Variants in CCDC28A observed in about 807,000 individuals in gnomAD.
The protein encoded by CCDC28A is coiled-coil domain-containing protein 28A.
CCDC28A carries 24 observed loss-of-function variants against 22.1 expected under a neutral mutation model. The observed-to-expected ratio is 1.09, with a 90% CI of 0.79 to 1.53. The LOEUF is 1.53. Among genes scored for constraint, CCDC28A ranks in the 40% most tolerant of loss-of-function variants. CCDC28A has a pLI of 0.00. For missense variants in CCDC28A, 170 were observed against 210.7 expected, an observed-to-expected ratio of 0.81 and a Z score of 1.20; for synonymous variants, 83 against 74.7, an observed-to-expected ratio of 1.11 and a Z score of -0.57.
intron 3 of CCDC28A, among the ~76,000 whole-genome samples, chr6:138,782,861 A>C (rs1583522388): frequency 6.6e-6 from 1 of 152,344 alleles, no homozygotes; most frequent in East Asian, 1.9e-4. Context: ...AATTTACATT[A>C]ATTCATATTT....
rs547380698 is a variant in CCDC28A, at chr6:138,778,287, A to G, written c.159-1535A>G. 1.4e-4 allele frequency among the ~76,000 whole-genome samples: 22 copies of G among 152,236 alleles called. No individual in the cohort carries two copies. The East Asian group carries it at 4.2e-3, about 29-fold the overall frequency. ...AATATACTTCCGTGTCGGGATTTGTAGTGTGCATTGGGTTATAAAGATAAA... is the reference window on the plus strand; with the variant it reads ...AATATACTTCCGTGTCGGGATTTGTGGTGTGCATTGGGTTATAAAGATAAA... On this transcript the variant is annotated intron_variant, in intron 2 of 5. Coordinates refer to ENST00000617445, the MANE Select transcript of CCDC28A (RefSeq NM_015439.3).
chr6:138,775,253 T>C (rs1397241605), intron 1 of CCDC28A, among the ~76,000 whole-genome samples: 1 of 152,170 alleles, frequency 6.6e-6, no homozygotes. Flanking sequence ...TTTAAATAGA[T>C]GGATGTTAGA....
chr6:138,778,254 G>T (rs1774965895), intron 2 of CCDC28A, among the ~76,000 whole-genome samples: 1 of 152,088 alleles, frequency 6.6e-6, no homozygotes, highest in East Asian at 1.9e-4. Context: ...TGTTAAAATT[G>T]AGTACTGAAT....
At chr6:138,783,876 CTTTTTTT>C in intron 3 of CCDC28A, among the ~76,000 whole-genome samples, 1 of 125,444 alleles carries the variant, frequency 8.0e-6, no homozygotes, top group East Asian at 2.3e-4. Context: ...AGCCAGAACT[CTTTTTTT>C]TTTTTTTTTT....
At chr6:138,784,394 A>G (rs1265214311) in intron 3 of CCDC28A, among the ~76,000 whole-genome samples, 1 of 136,722 alleles carries the variant, frequency 7.3e-6, no homozygotes, top group African/African-American at 2.8e-5. Context: ...TCTGTCACCT[A>G]GTCTTGAGTA....
At chr6:138,779,595 TAATC>T (rs1166023671) in intron 2 of CCDC28A, among the ~76,000 whole-genome samples, 6 of 152,238 alleles carry the variant, frequency 3.9e-5, no homozygotes, top group Non-Finnish European at 8.8e-5. Context: ...ATAAATGTAT[TAATC>T]AAACTTTTTA....
Position 138,785,449 on chromosome 6 carries a change from A to T in CCDC28A, c.477+68A>T, listed in dbSNP as rs1025940002. ...TGTTGCGAAAAAATGTACCTTTTGAACTATTTTAATGTATACAATCACGTG... is the reference window on the plus strand; with the variant it reads ...TGTTGCGAAAAAATGTACCTTTTGATCTATTTTAATGTATACAATCACGTG... On this transcript the variant is annotated intron_variant, in intron 4 of 5. Coordinates refer to ENST00000617445, the MANE Select transcript of CCDC28A (RefSeq NM_015439.3). The T allele has an allele frequency of 8.3e-6, 10 of 1,210,752 alleles. No homozygotes were observed. The African/African-American group carries it at 1.2e-4, about 15-fold the overall frequency. 75.0% of individuals were successfully genotyped at this position (1,210,752 alleles called of 1,614,324 possible).
rs1774934735 is a variant in CCDC28A at position 138,776,375 on chromosome 6, T to C, written c.158+97T>C. The C allele has an allele frequency of 5.1e-6, 5 of 988,854 alleles. No individual in the cohort carries two copies. The South Asian group carries it at 7.0e-5, about 14-fold the overall frequency. 61.3% of individuals were successfully genotyped at this position (988,854 alleles called of 1,614,324 possible). ...ACACTTTTTTAGTCTTGGCTTGACT[T>C]TTAAAACAGTTGAGGCACCCATTAT... On this transcript the variant is annotated intron_variant, in intron 2 of 5. Transcript: ENST00000617445.
chr6:138,784,744 A>AG (rs1775067883), intron 3 of CCDC28A, among the ~76,000 whole-genome samples: 1 of 150,064 alleles, frequency 6.7e-6, no homozygotes, highest in Non-Finnish European at 1.5e-5. Flanking sequence ...GCCAGGGTGG[A>AG]GTGCAGTGGC....
In CCDC28A at chr6:138,785,262, C is replaced by T. The variant is rs761634317; in HGVS notation, c.358C>T (p.Arg120Trp). The change falls in exon 4 of 6, where the codon CGG (arginine) becomes TGG (tryptophan). Residue 120 changes from arginine (R) to tryptophan (W), a missense_variant. Transcript: ENST00000617445. ...TTCCATTGAACAGATGGAACATGTT[C>T]GGGGAATGCAGGAGAAATTAGCTCG... ...ECSIEQMEHV[R>W]GMQEKLARLN... 30 of 1,613,022 alleles carry T rather than the reference C, an allele frequency of 1.9e-5. No individual in the cohort carries two copies. Among genetic ancestry groups the T allele is most frequent in the East Asian group, 1.1e-4 (5 of 44,872 alleles).
At chr6:138,774,412 CA>C (rs1391136320) in intron 1 of CCDC28A, among the ~76,000 whole-genome samples, 6 of 152,212 alleles carry the variant, frequency 3.9e-5, no homozygotes, top group Admixed American at 3.9e-4. Flanking sequence ...TCTATTCAGT[CA>C]TCTTTCAAAC....
chr6:138,789,790 C>T (rs1226076607), intron 5 of CCDC28A, among the ~76,000 whole-genome samples: 1 of 152,066 alleles, frequency 6.6e-6, no homozygotes, highest in Non-Finnish European at 1.5e-5. Flanking sequence ...CTGCCATTTC[C>T]ATCCTGGGCA....
chr6:138,778,949 G>T (rs749704999), intron 2 of CCDC28A, among the ~76,000 whole-genome samples: 1 of 152,094 alleles, frequency 6.6e-6, no homozygotes, highest in Non-Finnish European at 1.5e-5. Flanking sequence ...TGTATTTTTA[G>T]TAGAGACAGG....
chr6:138,785,477 T>C (rs1260094072), intron 4 of CCDC28A, 96 bp downstream of exon 4: 1 of 850,762 alleles, frequency 1.2e-6, no homozygotes, highest in Non-Finnish European at 1.9e-6. Context: ...ATCACGTGGT[T>C]GCTAGCGTAT....
chr6:138,787,419 A>G (rs1244427757), intron 4 of CCDC28A, among the ~76,000 whole-genome samples: 1 of 152,180 alleles, frequency 6.6e-6, no homozygotes, highest in Non-Finnish European at 1.5e-5. Flanking sequence ...TAGAACTATA[A>G]GAGGTAAATT....
rs549301396 is a variant in CCDC28A, at chr6:138,780,926, A to C, written c.322+941A>C. Among the ~76,000 whole-genome samples the C allele has an allele frequency of 3.9e-5, 6 of 152,328 alleles. No individual in the cohort carries two copies. The South Asian group carries it at 1.2e-3, about 32-fold the overall frequency. ...AATAATATGCATAATCTTTTTAAAA[A>C]ATTTTAACTTCCCCAGTTTTTTAGA... On this transcript the variant is annotated intron_variant, in intron 3 of 5. Coordinates refer to ENST00000617445, the MANE Select transcript of CCDC28A (RefSeq NM_015439.3).
chr6:138,783,465 T>C lies in CCDC28A; in HGVS notation c.323-1762T>C, dbSNP rs545096331. ...TTTTTTTTTTTTTTTTGAGATGGAG[T>C]CTCGCTCTTTCGCCCAGGCTGGAGT... On this transcript the variant is annotated intron_variant, in intron 3 of 5. Coordinates refer to ENST00000617445, the MANE Select transcript of CCDC28A (RefSeq NM_015439.3). Among the ~76,000 whole-genome samples the C allele has an allele frequency of 8.6e-5, 12 of 139,406 alleles. No individual in the cohort carries two copies. In the East Asian group the frequency reaches 2.1e-3, roughly 24 times the overall value. The allele number at this position is 139,406 out of a possible 152,430, so 91.5% of individuals were successfully genotyped here. A position where few individuals can be genotyped will look rare whatever the true frequency, so the allele number is the denominator to read the frequency against.
At chr6:138,779,103 C>G (rs937680814) in intron 2 of CCDC28A, among the ~76,000 whole-genome samples, 2 of 152,090 alleles carry the variant, frequency 1.3e-5, no homozygotes, top group Non-Finnish European at 2.9e-5. Flanking sequence ...ATTGTATGAT[C>G]TGATTTTACT....
At chr6:138,792,145 G>A (rs1775178875) in intron 5 of CCDC28A, among the ~76,000 whole-genome samples, 1 of 152,136 alleles carries the variant, frequency 6.6e-6, no homozygotes. Context: ...TGATAAAGTG[G>A]TGTCTTCTCA....
Sources: allele counts gnomAD v4.1 joint callset (sites outside exome capture counted in the v4.1 genomes callset), GRCh38; gene constraint gnomAD v4.1.1; transcripts MANE v1.5; gene names NCBI Gene and HGNC (gene_info 2026-07-23, HGNC 2026-07-21).